Variants in PGAP1 observed in about 807,000 individuals in gnomAD.
PGAP1 encodes the protein post-GPI attachment to proteins inositol deacylase 1, also known as GPI inositol-deacylase.
In PGAP1, 76 loss-of-function variants were observed where a neutral mutation model predicts 127.0. The ratio of observed to expected loss-of-function variants is 0.60; its 90% CI spans 0.50 to 0.72. The LOEUF is 0.72. Ranked by LOEUF, PGAP1 falls within the 30% of genes least tolerant of loss-of-function variation. The pLI is 0.00. For synonymous variants in PGAP1, 362 were observed against 366.5 expected (o/e 0.99, Z 0.14); for missense variants, 982 against 1,071.3 (o/e 0.92, Z 1.16).
chr2:196,843,395 C>T (rs1259462525), intron 25 of PGAP1, among the ~76,000 whole-genome samples: 2 of 152,224 alleles, frequency 1.3e-5, no homozygotes, highest in Non-Finnish European at 2.9e-5. Flanking sequence ...TTAATTTGAA[C>T]TTATTTTGGT....
At position 196,904,303 on chromosome 2, in the gene PGAP1, A is replaced by C. The variant is rs563411905; in HGVS notation, c.650-1561T>G. The stretch of plus-strand genomic sequence containing the variant: ...TTGCAAGGGCCTCATGTGCACATGC[A>C]AGCTCTGTCTGTACTTTCAGCAGCG... On this transcript the variant is annotated intron_variant, in intron 4 of 26. Transcript: ENST00000354764. Among the ~76,000 whole-genome samples, 155 of 152,232 alleles carry C rather than the reference A, an allele frequency of 1.0e-3. 5 individuals are homozygous for C. The South Asian group carries it at 0.031, about 31-fold the overall frequency.
intron 4 of PGAP1, among the ~76,000 whole-genome samples, chr2:196,903,607 C>T: frequency 6.6e-6 from 1 of 150,796 alleles, no homozygotes; most frequent in South Asian, 2.1e-4. Context: ...TAGCAAATCT[C>T]TTCTGTGGCC....
chr2:196,916,969 C>A (rs1307477110), intron 2 of PGAP1, among the ~76,000 whole-genome samples: 1 of 152,134 alleles, frequency 6.6e-6, no homozygotes, highest in Non-Finnish European at 1.5e-5. Context: ...CAAGAAATAT[C>A]CATTCATCAC....
chr2:196,873,616 TTTACTTGTATG>T, intron 15 of PGAP1, 37 bp from the exon 16 acceptor site: 1 of 1,598,780 alleles, frequency 6.3e-7, no homozygotes. Context: ...AATATAAAGG[TTTACTTGTATG>T]TTAAAGTAAA....
intron 20 of PGAP1, among the ~76,000 whole-genome samples, chr2:196,861,583 C>G (rs758971720): frequency 3.4e-4 from 52 of 152,120 alleles, no homozygotes; most frequent in Non-Finnish European, 6.6e-4. Context: ...CGCCTGTAAT[C>G]CCAGCACTTT....
intron 20 of PGAP1, among the ~76,000 whole-genome samples, chr2:196,856,023 T>C (rs565692287): frequency 6.6e-6 from 1 of 152,188 alleles, no homozygotes; most frequent in African/African-American, 2.4e-5. Context: ...TGTGTGTGTG[T>C]TTTGTTTTGA....
chr2:196,877,252 A>G (rs1413089364), intron 13 of PGAP1, among the ~76,000 whole-genome samples: 1 of 152,144 alleles, frequency 6.6e-6, no homozygotes, highest in Non-Finnish European at 1.5e-5. Flanking sequence ...GATAAATTCC[A>G]TATTTGCATT....
chr2:196,892,261 T>C (rs1702123326), intron 9 of PGAP1, 85 bp downstream of exon 9: 2 of 649,702 alleles, frequency 3.1e-6, no homozygotes, highest in Admixed American at 3.0e-5. Context: ...AGTTATCTTG[T>C]TTAAAGAGTC....
chr2:196,923,622 C>T (rs201911439), intron 1 of PGAP1, among the ~76,000 whole-genome samples: 2 of 151,990 alleles, frequency 1.3e-5, no homozygotes, highest in African/African-American at 4.8e-5. Flanking sequence ...ATAAATAACA[C>T]ACTTAATAAC....
Position 196,835,928 on chromosome 2 carries a change from A to C in PGAP1, c.*5306T>G, listed in dbSNP as rs1380483334. On this transcript the variant is annotated 3_prime_UTR_variant, in exon 27 of 27. Transcript: ENST00000354764. Reference sequence around the variant, plus strand: ...TGAACAGTTAATAGCTCTACGTGTTATCTATAAACATTTTTTACTAGTAAC... The same window carrying C: ...TGAACAGTTAATAGCTCTACGTGTTCTCTATAAACATTTTTTACTAGTAAC... The C allele has an allele frequency of 6.6e-6, 1 of 152,128 alleles. No homozygotes were observed. Among genetic ancestry groups the C allele is most frequent in the Non-Finnish European group, 1.5e-5 (1 of 67,912 alleles). 9.4% of individuals were successfully genotyped at this position (152,128 alleles called of 1,614,324 possible). A position where few individuals can be genotyped will look rare whatever the true frequency, so the allele number is the denominator to read the frequency against.
chr2:196,912,033 C>T (rs960400721), intron 4 of PGAP1, among the ~76,000 whole-genome samples: 3 of 152,242 alleles, frequency 2.0e-5, no homozygotes, highest in South Asian at 4.1e-4. Context: ...TGGGCAAGAA[C>T]GTTATCTTGG....
At chr2:196,852,430 C>T (rs1055532973) in intron 20 of PGAP1, among the ~76,000 whole-genome samples, 2 of 151,724 alleles carry the variant, frequency 1.3e-5, no homozygotes, top group Non-Finnish European at 2.9e-5. Context: ...AGTGACAGTT[C>T]AAATTACTTG....
intron 20 of PGAP1, 107 bp from the exon 21 acceptor site, chr2:196,848,144 G>T: frequency 3.3e-6 from 2 of 604,512 alleles, no homozygotes; most frequent in Non-Finnish European, 5.4e-6. Context: ...GAGAAAGTAA[G>T]GGTCTTCATT....
chr2:196,876,843 G>C (rs1020878672), intron 13 of PGAP1, among the ~76,000 whole-genome samples: 2 of 151,866 alleles, frequency 1.3e-5, no homozygotes, highest in Non-Finnish European at 2.9e-5. Context: ...ACACTTGGGG[G>C]AATAAAAGAA....
chr2:196,892,201 A>T (rs1559358108), intron 9 of PGAP1, 145 bp downstream of exon 9: 4 of 524,392 alleles, frequency 7.6e-6, no homozygotes, highest in Non-Finnish European at 1.3e-5. Context: ...CTGATTACTG[A>T]CTAGATACTT....
At chr2:196,912,787 A>G (rs1416687762) in intron 4 of PGAP1, 95 bp downstream of exon 4, 10 of 1,176,192 alleles carry the variant, frequency 8.5e-6, no homozygotes, top group Non-Finnish European at 1.2e-5. Context: ...ACATGGATAA[A>G]TCTGTAGCAT....
intron 12 of PGAP1, among the ~76,000 whole-genome samples, chr2:196,883,945 A>G (rs1701812857): frequency 6.6e-6 from 1 of 152,174 alleles, no homozygotes; most frequent in East Asian, 1.9e-4. Flanking sequence ...ATTTGCCATG[A>G]AAAGTAGGCA....
At chr2:196,885,600 C>G (rs932889491) in intron 11 of PGAP1, 125 bp from the exon 12 acceptor site, 1 of 696,994 alleles carries the variant, frequency 1.4e-6, no homozygotes, top group Non-Finnish European at 2.3e-6. Flanking sequence ...TGAGCCTAAT[C>G]CAATATACTC....
chr2:196,897,828 C>A (rs182977621), intron 6 of PGAP1, among the ~76,000 whole-genome samples: 1 of 152,274 alleles, frequency 6.6e-6, no homozygotes, highest in African/African-American at 2.4e-5. Context: ...GTCAAGAGAA[C>A]CTTGGTCAAA....
Sources: allele counts gnomAD v4.1 joint callset (sites outside exome capture counted in the v4.1 genomes callset), GRCh38; gene constraint gnomAD v4.1.1; transcripts MANE v1.5; gene names NCBI Gene and HGNC (gene_info 2026-07-23, HGNC 2026-07-21).